Variants in GMEB2 observed in about 807,000 individuals in gnomAD.
The protein encoded by GMEB2 is glucocorticoid modulatory element binding protein 2, also known as glucocorticoid modulatory element-binding protein 2.
In GMEB2, 7 loss-of-function variants were observed where a neutral mutation model predicts 45.7. The ratio of observed to expected loss-of-function variants is 0.15; its 90% CI spans 0.09 to 0.29. The LOEUF (loss-of-function observed/expected upper bound fraction) is 0.29. Among genes scored for constraint, GMEB2 ranks in the 10% least tolerant of loss-of-function variants. The pLI, the probability that GMEB2 is intolerant of heterozygous loss-of-function variation, is 1.00. For missense variants in GMEB2, 582 were observed against 739.2 expected, an observed-to-expected ratio of 0.79 and a Z score of 2.47; for synonymous variants, 322 against 323.6, an observed-to-expected ratio of 1.00 and a Z score of 0.05.
At chr20:63,618,151 C>T (rs750851247) in intron 2 of GMEB2, among the ~76,000 whole-genome samples, 4 of 152,256 alleles carry the variant, frequency 2.6e-5, no homozygotes, top group South Asian at 2.1e-4. Context: ...GGACACATGC[C>T]GGGAAAACAC....
chr20:63,598,723 C>T (rs1021073494), intron 4 of GMEB2, among the ~76,000 whole-genome samples: 1 of 152,194 alleles, frequency 6.6e-6, no homozygotes, highest in African/African-American at 2.4e-5. Flanking sequence ...CAGTCTCTGG[C>T]TCTCCCTCAT....
At position 63,619,144 on chromosome 20, in the gene GMEB2, C is replaced by T. The variant is rs1470182924; in HGVS notation, c.131+123G>A. Reference sequence around the variant, plus strand: ...ACTTACACACACATTTGAGTCCAGTCTCAGAAGAACTGGAACTAGAAAAAT... The same window carrying T: ...ACTTACACACACATTTGAGTCCAGTTTCAGAAGAACTGGAACTAGAAAAAT... On this transcript the variant is annotated intron_variant, in intron 2 of 9. Transcript: ENST00000370077. The surrounding 1 kb of genome is among the most constrained non-coding windows in gnomAD (Gnocchi z 4.6). The T allele has an allele frequency of 3.1e-6, 3 of 966,732 alleles. No homozygotes were observed. The highest frequency in any genetic ancestry group is 4.4e-6 in the Non-Finnish European group (3 of 677,538). The allele number at this position is 966,732 out of a possible 1,614,324, so 59.9% of individuals were successfully genotyped here.
intron 2 of GMEB2, among the ~76,000 whole-genome samples, chr20:63,613,554 C>T (rs2089586168): frequency 2.0e-5 from 3 of 146,496 alleles, no homozygotes; most frequent in Non-Finnish European, 4.5e-5. Flanking sequence ...GAGTCTCGCT[C>T]TGTCACCCAG....
chr20:63,597,381 C>T (rs1173808187), intron 5 of GMEB2, among the ~76,000 whole-genome samples: 1 of 151,942 alleles, frequency 6.6e-6, no homozygotes, highest in Non-Finnish European at 1.5e-5. Flanking sequence ...CCAGGCTGGT[C>T]TCAAACTCTT....
At chr20:63,599,455 G>A (rs560695387) in intron 4 of GMEB2, among the ~76,000 whole-genome samples, 1 of 152,334 alleles carries the variant, frequency 6.6e-6, no homozygotes, top group South Asian at 2.1e-4. Flanking sequence ...TCTGCTGGTG[G>A]CAAACTCGTG....
At chr20:63,626,548 TCGCGTGGTGGCCCCTG>T (rs2146101257) in intron 1 of GMEB2, among the ~76,000 whole-genome samples, 1 of 105,638 alleles carries the variant, frequency 9.5e-6, no homozygotes, top group African/African-American at 3.6e-5. Flanking sequence ...CCCCTGCGGG[TCGCGTGGTGGCCCCTG>T]CGGGTCGGGT....
chr20:63,597,879 T>A lies in GMEB2; in HGVS notation c.358-19A>T. 6.9e-7 allele frequency: 1 copy of A among 1,451,878 alleles called. No individual in the cohort carries two copies. 89.9% of individuals were successfully genotyped at this position (1,451,878 alleles called of 1,614,324 possible). A position where few individuals can be genotyped will look rare whatever the true frequency, so the allele number is the denominator to read the frequency against. ...CGTCGTACTGTGGGGGACACAGTCA[T>A]GTGGGTCAAGCTTGGCCGGGACACC... On this transcript the variant is annotated intron_variant, in intron 4 of 9. Transcript: ENST00000370077.
chr20:63,612,259 CG>C (rs2089576674), intron 2 of GMEB2, among the ~76,000 whole-genome samples: 1 of 152,208 alleles, frequency 6.6e-6, no homozygotes. Context: ...GCTTTCTGGC[CG>C]CATCTGGCCA....
In GMEB2 at chr20:63,590,747, T is replaced by C; in HGVS notation, c.953-18A>G. The stretch of plus-strand genomic sequence containing the variant: ...CTCCAGGGCTGCAGGGAGGTACAGA[T>C]GGCATCACACAGGGGACGGGGGCAT... On this transcript the variant is annotated intron_variant, in intron 9 of 9. Transcript: ENST00000370077. 1 of 1,451,838 alleles carries C rather than the reference T, an allele frequency of 6.9e-7. No homozygotes were observed. Among genetic ancestry groups the C allele is most frequent in the Admixed American group, 2.4e-5 (1 of 41,028 alleles). 89.9% of individuals were successfully genotyped at this position (1,451,838 alleles called of 1,614,324 possible).
intron 2 of GMEB2, among the ~76,000 whole-genome samples, chr20:63,605,628 G>A (rs1344164732): frequency 3.3e-5 from 5 of 151,996 alleles, no homozygotes; most frequent in African/African-American, 1.2e-4. Flanking sequence ...GGTTCATGGT[G>A]GCGAGCACCC....
In GMEB2 at chr20:63,592,424, T is replaced by A. The variant is rs1301653852; in HGVS notation, c.829+109A>T. On this transcript the variant is annotated intron_variant, in intron 8 of 9. Transcript: ENST00000370077. This position sits in a 1 kb window ranked among gnomAD's most constrained non-coding sequence, Gnocchi z 8.2. ...AGGAGTCCCAAGCCTAGATTCAGCC[T>A]CCAACCCAGCAGCACAGAAGGGCCT... The A allele has an allele frequency of 1.2e-6, 1 of 847,730 alleles. No individual in the cohort carries two copies. The highest frequency in any genetic ancestry group is 1.7e-5 in the African/African-American group (1 of 58,512). The allele number at this position is 847,730 out of a possible 1,614,324, so 52.5% of individuals were successfully genotyped here.
At chr20:63,603,128 C>A (rs1342632871) in intron 3 of GMEB2, 36 bp from the exon 4 acceptor site, 1 of 1,610,114 alleles carries the variant, frequency 6.2e-7, no homozygotes. Context: ...AGGGTAAAAG[C>A]AGAACATCAG....
chr20:63,621,718 A>G (rs1002658427), intron 1 of GMEB2, among the ~76,000 whole-genome samples: 1 of 146,352 alleles, frequency 6.8e-6, no homozygotes, highest in African/African-American at 2.5e-5. Context: ...GTTAAATTTT[A>G]TGTTATGTAT....
chr20:63,618,894 G>C (rs147274146), intron 2 of GMEB2, among the ~76,000 whole-genome samples: 1 of 152,298 alleles, frequency 6.6e-6, no homozygotes, highest in East Asian at 1.9e-4. Context: ...ACAGAGATGA[G>C]GAAGAAAACA....
In GMEB2 at chr20:63,588,778, T is replaced by C. The variant is rs1381904347; in HGVS notation, c.*1311A>G. The C allele has an allele frequency of 2.5e-6, 1 of 398,560 alleles. No individual in the cohort carries two copies. Among genetic ancestry groups the C allele is most frequent in the Non-Finnish European group, 4.4e-6 (1 of 226,092 alleles). 24.7% of individuals were successfully genotyped at this position (398,560 alleles called of 1,614,324 possible). ...CAGGGGAATCTGGCACTCAGGGTCC[T>C]CCCGGGACATGCCCTGTTGGAGACG... On this transcript the variant is annotated 3_prime_UTR_variant, in exon 10 of 10. Coordinates refer to ENST00000370077, the MANE Select transcript of GMEB2 (RefSeq NM_012384.5).
chr20:63,597,591 G>A (rs1021411924), intron 5 of GMEB2, among the ~76,000 whole-genome samples, 166 bp downstream of exon 5: 31 of 152,188 alleles, frequency 2.0e-4, no homozygotes, highest in African/African-American at 7.0e-4. Flanking sequence ...TGTGGGAGAC[G>A]GGTTTACAGT....
chr20:63,603,897 T>C (rs2089497143), intron 3 of GMEB2, among the ~76,000 whole-genome samples: 1 of 148,080 alleles, frequency 6.8e-6, no homozygotes, highest in Non-Finnish European at 1.5e-5. Flanking sequence ...CTACTAAAAA[T>C]ACAAAAATTA....
intron 2 of GMEB2, among the ~76,000 whole-genome samples, chr20:63,617,403 C>A (rs1218811192): frequency 6.6e-6 from 1 of 152,210 alleles, no homozygotes; most frequent in Non-Finnish European, 1.5e-5. Context: ...CTGAACCTGG[C>A]AGACCCTGAT....
At chr20:63,626,735 C>A (rs1387719473) in intron 1 of GMEB2, among the ~76,000 whole-genome samples, 1 of 148,854 alleles carries the variant, frequency 6.7e-6, no homozygotes, top group Admixed American at 6.7e-5. Flanking sequence ...AAGATGGAGG[C>A]AGGAAGCGCC....
Sources: allele counts gnomAD v4.1 joint callset (sites outside exome capture counted in the v4.1 genomes callset), GRCh38; gene constraint gnomAD v4.1.1; non-coding constraint Gnocchi (gnomAD v3.1); transcripts MANE v1.5; gene names NCBI Gene and HGNC (gene_info 2026-07-23, HGNC 2026-07-21).